EYS: variants seen among roughly 807,000 people sequenced by gnomAD.
The protein encoded by EYS is EGF-like photoreceptor maintenance factor, also known as protein eyes shut homolog.
In EYS, 250 loss-of-function variants were observed where a neutral mutation model predicts 282.1. That is an observed-to-expected ratio of 0.89 (90% CI 0.80 to 0.98). EYS has a LOEUF of 0.98. Among genes scored for constraint, EYS ranks in the 50% least tolerant of loss-of-function variants. EYS has a pLI of 0.00. For synonymous variants in EYS, 1,355 were observed against 1,282.9 expected (o/e 1.06, Z -1.20); for missense variants, 4,016 against 3,709.0 (o/e 1.08, Z -2.15).
chr6:65,424,691 A>T (rs1413043585), intron 5 of EYS, among the ~76,000 whole-genome samples: 1 of 152,060 alleles, frequency 6.6e-6, no homozygotes, highest in African/African-American at 2.4e-5. Flanking sequence ...TACCTCAGAA[A>T]TATTTAAATA....
At chr6:64,598,955 G>A (rs894468207) in intron 24 of EYS, among the ~76,000 whole-genome samples, 5 of 152,216 alleles carry the variant, frequency 3.3e-5, no homozygotes, top group South Asian at 4.1e-4. Context: ...TATCAAAGGC[G>A]AAAAGAACAG....
At chr6:64,776,512 T>C (rs75151766) in intron 22 of EYS, among the ~76,000 whole-genome samples, 6,284 of 152,086 alleles carry the variant, frequency 0.041, 154 homozygotes, top group East Asian at 0.073. Flanking sequence ...CTGAAAGGCT[T>C]TCTATTCTTT....
intron 31 of EYS, among the ~76,000 whole-genome samples, chr6:64,200,222 G>A (rs966854462): frequency 6.6e-6 from 1 of 151,762 alleles, no homozygotes; most frequent in African/African-American, 2.4e-5. Context: ...ATATAACAGT[G>A]GTAAAATTAT....
At chr6:65,409,710 T>C (rs1766901423) in intron 5 of EYS, among the ~76,000 whole-genome samples, 1 of 152,158 alleles carries the variant, frequency 6.6e-6, no homozygotes, top group South Asian at 2.1e-4. Flanking sequence ...AAAAATTTCT[T>C]ATATCCAACT....
At chr6:63,962,303 A>G (rs188109908) in intron 35 of EYS, among the ~76,000 whole-genome samples, 6 of 152,332 alleles carry the variant, frequency 3.9e-5, no homozygotes, top group Admixed American at 2.6e-4. Flanking sequence ...AAAAGGAACT[A>G]CCATCAGAGT....
intron 2 of EYS, among the ~76,000 whole-genome samples, chr6:65,580,523 A>G (rs1189270889): frequency 6.6e-6 from 1 of 152,126 alleles, no homozygotes; most frequent in African/African-American, 2.4e-5. Context: ...CTAATTTTGT[A>G]GAATGCTTAA....
At chr6:65,306,467 G>A (rs1400288389) in intron 11 of EYS, among the ~76,000 whole-genome samples, 2 of 151,952 alleles carry the variant, frequency 1.3e-5, no homozygotes, top group African/African-American at 4.8e-5. Flanking sequence ...GTTTCACCAC[G>A]GATTTTCTAC....
intron 11 of EYS, among the ~76,000 whole-genome samples, chr6:65,324,090 C>A (rs1269151933): frequency 1.3e-5 from 2 of 151,430 alleles, no homozygotes; most frequent in African/African-American, 4.9e-5. Context: ...TTATTCCCAT[C>A]TCTGATTAAA....
At chr6:63,950,179 A>AAAAAC (rs1246084201) in intron 35 of EYS, among the ~76,000 whole-genome samples, 1 of 151,622 alleles carries the variant, frequency 6.6e-6, no homozygotes, top group Non-Finnish European at 1.5e-5. Flanking sequence ...CTCAAAAAAC[A>AAAAAC]AAAACAAAAC....
chr6:64,885,416 T>C (rs1767056163), intron 19 of EYS, among the ~76,000 whole-genome samples: 1 of 151,710 alleles, frequency 6.6e-6, no homozygotes, highest in South Asian at 2.1e-4. Flanking sequence ...TAACAAATAA[T>C]TTTACAAAAT....
intron 35 of EYS, among the ~76,000 whole-genome samples, chr6:63,934,333 C>T (rs1268378888): frequency 6.6e-6 from 1 of 152,136 alleles, no homozygotes; most frequent in Non-Finnish European, 1.5e-5. Flanking sequence ...TTGTGGAAGT[C>T]AGTGTGGCGA....
chr6:64,504,488 G>C (rs1452053155), intron 26 of EYS, among the ~76,000 whole-genome samples: 1 of 152,070 alleles, frequency 6.6e-6, no homozygotes, highest in African/African-American at 2.4e-5. Flanking sequence ...AAGAAATATT[G>C]GCCGACTACC....
intron 5 of EYS, among the ~76,000 whole-genome samples, chr6:65,428,324 T>C (rs951474622): frequency 2.0e-5 from 3 of 152,174 alleles, no homozygotes; most frequent in African/African-American, 7.2e-5. Context: ...AATATATACA[T>C]AGAATGGTTA....
At chr6:64,332,544 G>A (rs766665494) in intron 29 of EYS, among the ~76,000 whole-genome samples, 8 of 152,070 alleles carry the variant, frequency 5.3e-5, no homozygotes, top group Non-Finnish European at 1.0e-4. Context: ...CACACCTTGG[G>A]TTCATCATAG....
At chr6:64,693,098 T>C (rs1022107719) in intron 22 of EYS, among the ~76,000 whole-genome samples, 12 of 148,350 alleles carry the variant, frequency 8.1e-5, no homozygotes, top group African/African-American at 2.7e-4. Flanking sequence ...CAAGTATGAA[T>C]AAATTTAAGA....
intron 31 of EYS, among the ~76,000 whole-genome samples, chr6:64,163,479 C>T (rs1241905671): frequency 6.6e-6 from 1 of 151,940 alleles, no homozygotes; most frequent in Non-Finnish European, 1.5e-5. Flanking sequence ...TCTACACATT[C>T]TTTATTTAAT....
chr6:64,754,398 C>A (rs1358861202), intron 22 of EYS, among the ~76,000 whole-genome samples: 2 of 150,382 alleles, frequency 1.3e-5, no homozygotes, highest in Non-Finnish European at 3.0e-5. Context: ...ACAGCTGATG[C>A]CACCAGACAT....
intron 12 of EYS, among the ~76,000 whole-genome samples, chr6:65,071,207 G>A (rs1428951179): frequency 2.0e-5 from 3 of 151,306 alleles, no homozygotes; most frequent in Non-Finnish European, 3.0e-5. Flanking sequence ...GAAAAATGTA[G>A]AATTTAGAAA....
chr6:63,720,431 A>G lies in EYS; in HGVS notation c.*165T>C. 1.8e-6 allele frequency: 1 copy of G among 559,034 alleles called. No homozygotes were observed. The highest frequency in any genetic ancestry group is 3.0e-6 in the Non-Finnish European group (1 of 332,360). The allele number at this position is 559,034 out of a possible 1,614,324, so 34.6% of individuals were successfully genotyped here. On this transcript the variant is annotated 3_prime_UTR_variant, in exon 43 of 43. Transcript: ENST00000503581. ...AATTAGATGTAGGAAAAACAATCAG[A>G]ACCTTCAGTGACATTTTACAATCTT...
Sources: gnomAD v4.1 joint callset for allele counts (sites outside exome capture counted in the v4.1 genomes callset) on GRCh38, gnomAD v4.1.1 for gene constraint, MANE v1.5 for transcripts, NCBI Gene and HGNC (gene_info 2026-07-23, HGNC 2026-07-21) for gene names.